PRKG2: variants seen among roughly 807,000 people sequenced by gnomAD.
PRKG2 encodes protein kinase cGMP-dependent 2, also known as cGMP-dependent protein kinase 2.
PRKG2 carries 33 observed loss-of-function variants against 97.2 expected under a neutral mutation model. That is an observed-to-expected ratio of 0.34 (90% confidence interval 0.26 to 0.45). The LOEUF (loss-of-function observed/expected upper bound fraction) is 0.45, where lower values mean the gene tolerates loss of function less well. PRKG2 is among the 20% of genes least tolerant of loss of function. The probability of loss-of-function intolerance (pLI) is 1.00; values close to 1 mark genes in which losing one functional copy is unlikely to be tolerated. For missense variants in PRKG2, 638 were observed against 900.0 expected, an observed-to-expected ratio of 0.71 and a Z score of 3.73; for synonymous variants, 330 against 321.8, an observed-to-expected ratio of 1.03 and a Z score of -0.27.
At chr4:81,107,063 A>G (rs1439163389) in intron 15 of PRKG2, among the ~76,000 whole-genome samples, 3 of 152,234 alleles carry the variant, frequency 2.0e-5, no homozygotes, top group African/African-American at 7.2e-5. Flanking sequence ...AATGGGGTGA[A>G]TAAGGCATGT....
intron 4 of PRKG2, among the ~76,000 whole-genome samples, chr4:81,170,982 AC>A (rs1441167583): frequency 2.0e-5 from 3 of 152,006 alleles, no homozygotes; most frequent in African/African-American, 7.2e-5. Flanking sequence ...GGCAGAACAA[AC>A]CTTTTTATTT....
At chr4:81,140,714 T>C (rs1747197040) in intron 11 of PRKG2, 45 bp from the exon 12 acceptor site, 2 of 1,513,420 alleles carry the variant, frequency 1.3e-6, no homozygotes, top group Non-Finnish European at 1.8e-6. Context: ...CTTATATCTA[T>C]ATAAAACACA....
At position 81,177,431 on chromosome 4, in the gene PRKG2, C is replaced by T. The variant is rs201072768; in HGVS notation, c.462-2472G>A. Among the ~76,000 whole-genome samples, 25 of 152,194 alleles carry T rather than the reference C, an allele frequency of 1.6e-4. No homozygotes were observed. In the East Asian group the frequency reaches 4.1e-3, roughly 25 times the overall value. On this transcript the variant is annotated intron_variant, in intron 2 of 18. Coordinates refer to ENST00000264399, the MANE Select transcript of PRKG2 (RefSeq NM_006259.3). Reference sequence around the variant, plus strand: ...AAAAATCTGGTAAGTTTCGGCCAGGCGCGGTGGCTCACGCCTGTAATCCCA... The same window carrying T: ...AAAAATCTGGTAAGTTTCGGCCAGGTGCGGTGGCTCACGCCTGTAATCCCA...
Position 81,089,387 on chromosome 4 carries a change from G to T in PRKG2, c.*321C>A. On this transcript the variant is annotated 3_prime_UTR_variant, in exon 19 of 19. Transcript: ENST00000264399. The stretch of plus-strand genomic sequence containing the variant: ...AGTAGTACTCAAACGAGAAGGATAT[G>T]ATTGGAATGGAACAATAGATTGCAG... The T allele has an allele frequency of 4.7e-6, 1 of 211,032 alleles. No individual in the cohort carries two copies. The highest frequency in any genetic ancestry group is 9.3e-6 in the Non-Finnish European group (1 of 107,398). The allele number at this position is 211,032 out of a possible 1,614,324, so 13.1% of individuals were successfully genotyped here.
Position 81,167,200 on chromosome 4 carries a change from A to T in PRKG2, c.873T>A (p.Pro291=). 6.3e-7 allele frequency: 1 copy of T among 1,592,444 alleles called. No homozygotes were observed. Among genetic ancestry groups the T allele is most frequent in the Non-Finnish European group, 8.5e-7 (1 of 1,171,070 alleles). ...CAATGATCTTGGTTAATTTATCTTC[A>T]GGTAAATTCTTCAGCAAGGATACAC... The part of the protein sequence containing the change: ...LRSVSLLKNL[P]EDKLTKIIDC... The change falls in exon 6 of 19, where the codon CCT becomes CCA. Residue 291 remains proline, a synonymous_variant. Transcript: ENST00000264399.
intron 15 of PRKG2, among the ~76,000 whole-genome samples, chr4:81,110,212 G>A (rs753471613): frequency 1.7e-4 from 26 of 152,228 alleles, no homozygotes; most frequent in African/African-American, 6.0e-4. Context: ...GTCTTGCCAC[G>A]TTAGGTAAAC....
At chr4:81,189,832 T>C (rs1578500477) in intron 2 of PRKG2, among the ~76,000 whole-genome samples, 1 of 152,002 alleles carries the variant, frequency 6.6e-6, no homozygotes, top group East Asian at 1.9e-4. Flanking sequence ...TCACAATTGC[T>C]ACAAAGAGAA....
At chr4:81,181,341 T>TA (rs1560608756) in intron 2 of PRKG2, among the ~76,000 whole-genome samples, 1 of 151,874 alleles carries the variant, frequency 6.6e-6, no homozygotes, top group African/African-American at 2.4e-5. Context: ...TATTTTGAAA[T>TA]AAATAATAAA....
At chr4:81,099,472 T>C (rs1408688623) in intron 17 of PRKG2, among the ~76,000 whole-genome samples, 1 of 152,182 alleles carries the variant, frequency 6.6e-6, no homozygotes, top group Non-Finnish European at 1.5e-5. Flanking sequence ...CACTTGATTA[T>C]CTCAATAGAT....
Position 81,092,389 on chromosome 4 carries a change from T to C in PRKG2, c.2190A>G (p.Arg730=). Residue 730 remains arginine, a synonymous_variant, in exon 18 of 19, where the codon AGA becomes AGG. Transcript: ENST00000264399. Reference sequence around the variant, plus strand: ...AGTAATATAATAAATACAATACCTCTCTTTGCAAAGGTGATGGAAGGCTCC... The same window carrying C: ...AGTAATATAATAAATACAATACCTCCCTTTGCAAAGGTGATGGAAGGCTCC... ...KARSLPSPLQ[R]ELKGPIDHSY... is the part of the protein sequence containing the mutation. The C allele has an allele frequency of 1.3e-6, 2 of 1,568,196 alleles. No individual in the cohort carries two copies. Among genetic ancestry groups the C allele is most frequent in the Non-Finnish European group, 1.7e-6 (2 of 1,147,020 alleles).
chr4:81,186,662 C>T (rs537557337), intron 2 of PRKG2, among the ~76,000 whole-genome samples: 1 of 151,550 alleles, frequency 6.6e-6, no homozygotes. Context: ...AAAAACCCTT[C>T]AAAAAAAATC....
At chr4:81,138,358 T>C (rs1250910315) in intron 12 of PRKG2, among the ~76,000 whole-genome samples, 1 of 152,016 alleles carries the variant, frequency 6.6e-6, no homozygotes, top group Non-Finnish European at 1.5e-5. Context: ...AAGCAGACAG[T>C]AGAACAGCCG....
Position 81,095,290 on chromosome 4 carries a change from C to A in PRKG2, c.2127-2838G>T, listed in dbSNP as rs529885882. On this transcript the variant is annotated intron_variant, in intron 17 of 18. Coordinates refer to ENST00000264399, the MANE Select transcript of PRKG2 (RefSeq NM_006259.3). ...AAGTGAGAGTCAGACAGCAACCCAG[C>A]TGTTTTATATCCCTCCTCTGCCCTT... is the stretch of plus-strand genomic sequence containing the variant. Among the ~76,000 whole-genome samples the A allele has an allele frequency of 5.3e-5, 8 of 152,304 alleles. No homozygotes were observed. The South Asian group carries it at 1.7e-3, about 32-fold the overall frequency.
chr4:81,092,305 A>AT lies in PRKG2; in HGVS notation c.2193+80dup, dbSNP rs1741618529. ...AACACCCAAAATCTGTTATGGGCAT[A>AT]TACATACACACATCTAAAATCTGTG... On this transcript the variant is annotated intron_variant, in intron 18 of 18. Coordinates refer to ENST00000264399, the MANE Select transcript of PRKG2 (RefSeq NM_006259.3). The AT allele has an allele frequency of 3.4e-6, 3 of 873,384 alleles. No homozygotes were observed. The African/African-American group carries it at 5.3e-5, about 15-fold the overall frequency. The allele number at this position is 873,384 out of a possible 1,614,324, so 54.1% of individuals were successfully genotyped here.
intron 4 of PRKG2, among the ~76,000 whole-genome samples, chr4:81,170,633 A>C (rs1444796954): frequency 6.6e-6 from 1 of 152,138 alleles, no homozygotes; most frequent in Non-Finnish European, 1.5e-5. Flanking sequence ...TAACACATAT[A>C]AACTAGTCCC....
chr4:81,136,224 C>T (rs1746685292), intron 13 of PRKG2, among the ~76,000 whole-genome samples: 1 of 152,200 alleles, frequency 6.6e-6, no homozygotes, highest in Non-Finnish European at 1.5e-5. Context: ...TCATCTTCTA[C>T]TCAGATGCTC....
rs1054670339 is a variant in PRKG2 at position 81,215,168 on chromosome 4, C to A, written c.-246G>T. On this transcript the variant is annotated 5_prime_UTR_variant, in exon 1 of 19. Coordinates refer to ENST00000264399, the MANE Select transcript of PRKG2 (RefSeq NM_006259.3). ...GGGGCGCGGGTTAGCGCGATGCGGG[C>A]AGGAGCTGCGGCGGCGTCGGTGCTG... is the stretch of plus-strand genomic sequence containing the variant. 1.3e-5 allele frequency: 2 copies of A among 152,474 alleles called. No individual in the cohort carries two copies. Among genetic ancestry groups the A allele is most frequent in the Non-Finnish European group, 2.9e-5 (2 of 68,266 alleles). The allele number at this position is 152,474 out of a possible 1,614,324, so 9.4% of individuals were successfully genotyped here.
In PRKG2 at chr4:81,204,987, G is replaced by C. The variant is rs963315125; in HGVS notation, c.61C>G (p.Leu21Val). The C allele has an allele frequency of 9.9e-6, 16 of 1,613,896 alleles. No homozygotes were observed. The highest frequency in any genetic ancestry group is 1.3e-5 in the Non-Finnish European group (15 of 1,180,012). ...SKHPDGHSGN[L>V]TTDALRNKVT... The stretch of plus-strand genomic sequence containing the variant: ...TTGTTCCGCAGAGCATCAGTGGTGA[G>C]GTTCCCAGAGTGTCCATCTGGGTGC... Residue 21 changes from leucine to valine, a missense_variant, in exon 2 of 19, where the codon CTC becomes GTC. Around this residue, in one of 3 missense-constraint regions of PRKG2, gnomAD observed 332 missense variants for 421.7 expected, o/e 0.79. Transcript: ENST00000264399.
intron 6 of PRKG2, among the ~76,000 whole-genome samples, chr4:81,158,725 G>T (rs9884976): frequency 3.7e-4 from 57 of 152,220 alleles, no homozygotes; most frequent in Non-Finnish European, 7.1e-4. Flanking sequence ...AACCAAAACA[G>T]CATGGTGCTG....
Sources: allele counts gnomAD v4.1 joint callset (sites outside exome capture counted in the v4.1 genomes callset), GRCh38; gene constraint gnomAD v4.1.1; regional missense constraint gnomAD v4.1.1; transcripts MANE v1.5; gene names NCBI Gene and HGNC (gene_info 2026-07-23, HGNC 2026-07-21).